The following ERBB4 variants were observed in gnomAD, a reference collection of about 807,000 sequenced individuals.
ERBB4 encodes erb-b2 receptor tyrosine kinase 4, also known as receptor tyrosine-protein kinase erbB-4.
Under a neutral mutation model 158.0 loss-of-function variants are expected in ERBB4, and 42 were observed. That is an observed-to-expected ratio of 0.27 (90% CI 0.21 to 0.34). The LOEUF is 0.34. ERBB4 is among the 10% of genes least tolerant of loss of function. The pLI is 1.00. For synonymous variants in ERBB4, 583 were observed against 558.7 expected (o/e 1.04, Z -0.61); for missense variants, 1,333 against 1,624.1 (o/e 0.82, Z 3.08).
At chr2:211,944,215 C>CTATATAT (rs1559155459) in intron 3 of ERBB4, among the ~76,000 whole-genome samples, 1 of 110,496 alleles carries the variant, frequency 9.1e-6, no homozygotes, top group Admixed American at 9.5e-5. Context: ...TATATATATA[C>CTATATAT]ACACACACAC....
chr2:212,474,985 C>T (rs547356040), intron 1 of ERBB4, among the ~76,000 whole-genome samples: 12 of 151,924 alleles, frequency 7.9e-5, no homozygotes, highest in Middle Eastern at 3.4e-3. Context: ...CTTAAAAGGT[C>T]CTCCCGCTTA....
chr2:212,039,044 T>C lies in ERBB4; in HGVS notation c.234+85708A>G, dbSNP rs1384739738. On this transcript the variant is annotated intron_variant, in intron 2 of 27. Coordinates refer to ENST00000342788, the MANE Select transcript of ERBB4 (RefSeq NM_005235.3). ...TAAATGGTCAATATCATTCTTAACC[T>C]TGATTCTATCTCCCAATGAAATAAA... Among the ~76,000 whole-genome samples, 3 of 152,152 alleles carry C rather than the reference T, an allele frequency of 2.0e-5. No individual in the cohort carries two copies. The East Asian group carries it at 5.8e-4, about 29-fold the overall frequency.
At chr2:212,414,398 T>C (rs1378740101) in intron 1 of ERBB4, among the ~76,000 whole-genome samples, 1 of 152,194 alleles carries the variant, frequency 6.6e-6, no homozygotes, top group East Asian at 1.9e-4. Context: ...TGAATGCCTT[T>C]AGTCGGAAGA....
At chr2:212,228,648 A>T (rs116809828) in intron 1 of ERBB4, among the ~76,000 whole-genome samples, 4,825 of 152,086 alleles carry the variant, frequency 0.032, 96 homozygotes, top group Middle Eastern at 0.058. Flanking sequence ...ATGGCAGATA[A>T]AAAAAATATA....
chr2:211,767,310 G>C (rs940969473), intron 4 of ERBB4, among the ~76,000 whole-genome samples: 1 of 152,136 alleles, frequency 6.6e-6, no homozygotes. Flanking sequence ...AATAGAGTCA[G>C]TGTAATTGTC....
intron 9 of ERBB4, among the ~76,000 whole-genome samples, chr2:211,709,272 T>TACAC (rs1553615201): frequency 3.5e-5 from 5 of 141,072 alleles, no homozygotes; most frequent in African/African-American, 1.4e-4. Flanking sequence ...TATATATATA[T>TACAC]ATACATACAT....
intron 18 of ERBB4, among the ~76,000 whole-genome samples, chr2:211,622,186 G>T (rs528732968): frequency 1.4e-4 from 22 of 152,232 alleles, no homozygotes; most frequent in African/African-American, 4.8e-4. Context: ...AATTATTAAA[G>T]ATGTAAATAC....
At chr2:212,323,060 T>C (rs915399987) in intron 1 of ERBB4, among the ~76,000 whole-genome samples, 1 of 150,638 alleles carries the variant, frequency 6.6e-6, no homozygotes, top group Non-Finnish European at 1.5e-5. Context: ...CTACTTCAGA[T>C]AGAGTAATCC....
chr2:212,077,162 A>C (rs1482181689), intron 2 of ERBB4, among the ~76,000 whole-genome samples: 1 of 152,080 alleles, frequency 6.6e-6, no homozygotes, highest in Non-Finnish European at 1.5e-5. Context: ...GATATGGGAC[A>C]ATGGGAAGAC....
intron 20 of ERBB4, among the ~76,000 whole-genome samples, chr2:211,548,702 C>T (rs990310528): frequency 9.9e-5 from 15 of 151,986 alleles, no homozygotes; most frequent in African/African-American, 3.1e-4. Context: ...CTTATGTTTC[C>T]GTTTCCCCAT....
chr2:212,195,693 A>C (rs1392657740), intron 1 of ERBB4, among the ~76,000 whole-genome samples: 2 of 152,086 alleles, frequency 1.3e-5, no homozygotes, highest in African/African-American at 4.8e-5. Flanking sequence ...AAAAATAAAC[A>C]ACAAAAACAT....
intron 20 of ERBB4, among the ~76,000 whole-genome samples, chr2:211,516,355 A>G (rs749172225): frequency 2.9e-5 from 4 of 137,756 alleles, no homozygotes; most frequent in African/African-American, 5.5e-5. Flanking sequence ...TCTTTTTTGG[A>G]CGGAGTCTCA....
At chr2:211,850,535 A>G (rs1265661086) in intron 3 of ERBB4, among the ~76,000 whole-genome samples, 1 of 151,926 alleles carries the variant, frequency 6.6e-6, no homozygotes, top group Non-Finnish European at 1.5e-5. Flanking sequence ...ACAGCTTTCT[A>G]CAGGCATTCA....
intron 1 of ERBB4, among the ~76,000 whole-genome samples, chr2:212,519,591 T>A (rs1196549970): frequency 6.6e-6 from 1 of 151,958 alleles, no homozygotes; most frequent in Non-Finnish European, 1.5e-5. Flanking sequence ...CTAATGTAGA[T>A]GACTATTCAG....
chr2:212,160,808 T>A (rs1198000471), intron 1 of ERBB4, among the ~76,000 whole-genome samples: 1 of 152,040 alleles, frequency 6.6e-6, no homozygotes, highest in Admixed American at 6.6e-5. Flanking sequence ...CTCTTCTTAA[T>A]TGATACTTTC....
intron 20 of ERBB4, among the ~76,000 whole-genome samples, chr2:211,451,047 A>T (rs2125477356): frequency 6.6e-6 from 1 of 152,342 alleles, no homozygotes; most frequent in South Asian, 2.1e-4. Context: ...ATCTGGGTGA[A>T]ATCTTTCACA....
chr2:212,045,118 C>G (rs1315094700), intron 2 of ERBB4, among the ~76,000 whole-genome samples: 2 of 152,126 alleles, frequency 1.3e-5, no homozygotes, highest in Non-Finnish European at 2.9e-5. Flanking sequence ...CTCAACTTGA[C>G]CTTTGGGACT....
chr2:211,827,377 G>T (rs1433073286), intron 3 of ERBB4, among the ~76,000 whole-genome samples: 1 of 151,894 alleles, frequency 6.6e-6, no homozygotes, highest in Non-Finnish European at 1.5e-5. Context: ...TTGTTTTGTT[G>T]TATATCTTTT....
chr2:212,098,251 C>T (rs147430121), intron 2 of ERBB4, among the ~76,000 whole-genome samples: 274 of 152,242 alleles, frequency 1.8e-3, no homozygotes, highest in Middle Eastern at 6.8e-3. Flanking sequence ...CCCCCTCCAA[C>T]CCTCAAAGAA....
Sources: allele counts gnomAD v4.1 joint callset (sites outside exome capture counted in the v4.1 genomes callset), GRCh38; gene constraint gnomAD v4.1.1; transcripts MANE v1.5; gene names NCBI Gene and HGNC (gene_info 2026-07-23, HGNC 2026-07-21).